ABCB11: variants seen among roughly 807,000 people sequenced by gnomAD.
ABCB11 encodes ATP binding cassette subfamily B member 11.
ABCB11 carries 95 observed loss-of-function variants against 148.0 expected under a neutral mutation model. The observed-to-expected ratio is 0.64, with a 90% CI of 0.54 to 0.76. The LOEUF (loss-of-function observed/expected upper bound fraction) is 0.76. ABCB11 is among the 30% of genes least tolerant of loss of function. The pLI, the probability that ABCB11 is intolerant of heterozygous loss-of-function variation, is 0.00. For missense variants in ABCB11, 1,523 were observed against 1,617.8 expected, an observed-to-expected ratio of 0.94 and a Z score of 1.01; for synonymous variants, 591 against 555.4, an observed-to-expected ratio of 1.06 and a Z score of -0.90.
chr2:168,983,265 G>A (rs1319657887), intron 10 of ABCB11, among the ~76,000 whole-genome samples: 1 of 152,114 alleles, frequency 6.6e-6, no homozygotes, highest in African/African-American at 2.4e-5. Flanking sequence ...TTCTTGCATA[G>A]CAAGTATGTA....
At chr2:168,987,105 G>C (rs1189568761) in intron 9 of ABCB11, among the ~76,000 whole-genome samples, 3 of 152,024 alleles carry the variant, frequency 2.0e-5, no homozygotes, top group Admixed American at 1.3e-4. Flanking sequence ...AAGAAATAAG[G>C]AACCTCACTC....
In ABCB11 at chr2:168,986,104, AG is replaced by A; in HGVS notation, c.1083+5del. 1 of 1,588,430 alleles carries A rather than the reference AG, an allele frequency of 6.3e-7. No homozygotes were observed. Among genetic ancestry groups the A allele is most frequent in the Non-Finnish European group, 8.6e-7 (1 of 1,166,466 alleles). On this transcript the variant is annotated splice_donor_5th_base_variant and intron_variant, in intron 10 of 27. Coordinates refer to ENST00000650372, the MANE Select transcript of ABCB11 (RefSeq NM_003742.4). ...TGCTATGTCTCGGTCAATAAGTCCA[AG>A]GTACCTGGACAAGGGTTCCTGGTGT...
At chr2:169,024,695 A>C (rs1695641531) in intron 1 of ABCB11, among the ~76,000 whole-genome samples, 1 of 152,094 alleles carries the variant, frequency 6.6e-6, no homozygotes, top group Non-Finnish European at 1.5e-5. Context: ...TAGGATACCA[A>C]GTTTATAATG....
chr2:168,969,656 G>T, intron 15 of ABCB11, 105 bp from the exon 16 acceptor site: 2 of 1,044,806 alleles, frequency 1.9e-6, no homozygotes, highest in East Asian at 5.2e-5. Context: ...CTTGGTCCCT[G>T]GGAATATTCT....
Position 168,922,359 on chromosome 2 carries a change from C to T in ABCB11, c.*1263G>A, listed in dbSNP as rs1354620194. ...CTCAGAGAGGGAGTATGCAGTTTCT[C>T]GCTGGAACTGGGGAAAGGCAGCCAT... On this transcript the variant is annotated 3_prime_UTR_variant, in exon 28 of 28. Coordinates refer to ENST00000650372, the MANE Select transcript of ABCB11 (RefSeq NM_003742.4). Among the ~76,000 whole-genome samples, 1 of 152,118 alleles carries T rather than the reference C, an allele frequency of 6.6e-6. No homozygotes were observed. The highest frequency in any genetic ancestry group is 1.9e-4 in the East Asian group (1 of 5,182).
At chr2:169,029,546 G>A (rs886449731) in intron 1 of ABCB11, among the ~76,000 whole-genome samples, 8 of 152,150 alleles carry the variant, frequency 5.3e-5, no homozygotes, top group East Asian at 1.9e-4. Flanking sequence ...AGCCCTGAGG[G>A]CTATGGCTGA....
downstream of ABCB11, among the ~76,000 whole-genome samples, chr2:168,916,220 T>C (rs1690938633): frequency 6.6e-6 from 1 of 152,252 alleles, no homozygotes; most frequent in Non-Finnish European, 1.5e-5. Flanking sequence ...ACTTGTTCTC[T>C]GTCACCCTTA....
chr2:168,925,123 C>T (rs748026300), intron 26 of ABCB11, among the ~76,000 whole-genome samples: 4 of 152,148 alleles, frequency 2.6e-5, no homozygotes, highest in Admixed American at 6.6e-5. Flanking sequence ...ATTTGAGACT[C>T]TCTGATTCTA....
At chr2:168,947,909 G>A (rs1310191007) in intron 19 of ABCB11, among the ~76,000 whole-genome samples, 2 of 151,546 alleles carry the variant, frequency 1.3e-5, no homozygotes, top group African/African-American at 4.8e-5. Flanking sequence ...CCAAGCAGGT[G>A]CTCAAGAAGG....
Position 168,993,113 on chromosome 2 carries a change from G to A in ABCB11, c.783+598C>T, listed in dbSNP as rs34497610. 9.2e-5 allele frequency among the ~76,000 whole-genome samples: 14 copies of A among 152,028 alleles called. 1 individual carries two copies. The highest frequency in any genetic ancestry group is 1.5e-4 in the Non-Finnish European group (10 of 67,980). On this transcript the variant is annotated intron_variant, in intron 8 of 27. Transcript: ENST00000650372. ...CTGGGATAACTCTTGGAATGGGTCAGATCACCTCTCTCTGAAAGAGGTTAT... is the reference window on the plus strand; with the variant it reads ...CTGGGATAACTCTTGGAATGGGTCAAATCACCTCTCTCTGAAAGAGGTTAT...
At chr2:168,969,130 AAGG>A (rs1693452432) in intron 16 of ABCB11, among the ~76,000 whole-genome samples, 3 of 148,198 alleles carry the variant, frequency 2.0e-5, no homozygotes, top group Admixed American at 6.7e-5. Flanking sequence ...AAAAAAAAAA[AAGG>A]GGGGGATGGA....
At chr2:168,927,077 G>A (rs989283177) in intron 26 of ABCB11, 79 bp downstream of exon 26, 12 of 1,356,972 alleles carry the variant, frequency 8.8e-6, no homozygotes, top group Non-Finnish European at 1.1e-5. Context: ...GATTAGGGAT[G>A]CTCAACCTGT....
At chr2:169,026,055 T>C (rs989542459) in intron 1 of ABCB11, among the ~76,000 whole-genome samples, 2 of 152,222 alleles carry the variant, frequency 1.3e-5, no homozygotes, top group Admixed American at 1.3e-4. Flanking sequence ...GTTTGGTATT[T>C]TGTGGGTTGC....
Position 168,923,107 on chromosome 2 carries a change from A to T in ABCB11, c.*515T>A, listed in dbSNP as rs1295431347. On this transcript the variant is annotated 3_prime_UTR_variant, in exon 28 of 28. Transcript: ENST00000650372. Reference sequence around the variant, plus strand: ...GGAAGCTGGTTTCACTTGAAAGACAAATTTAGTTAAGAAACACAGCTGGTC... The same window carrying T: ...GGAAGCTGGTTTCACTTGAAAGACATATTTAGTTAAGAAACACAGCTGGTC... The T allele has an allele frequency of 2.6e-5, 4 of 156,008 alleles. No individual in the cohort carries two copies. Among genetic ancestry groups the T allele is most frequent in the African/African-American group, 9.7e-5 (4 of 41,442 alleles). The allele number at this position is 156,008 out of a possible 1,614,324, so 9.7% of individuals were successfully genotyped here.
At chr2:168,927,995 T>C (rs1218970724) in intron 25 of ABCB11, among the ~76,000 whole-genome samples, 2 of 152,196 alleles carry the variant, frequency 1.3e-5, no homozygotes, top group Non-Finnish European at 2.9e-5. Flanking sequence ...GTCCAGGTAC[T>C]TGAATATCTA....
intron 1 of ABCB11, among the ~76,000 whole-genome samples, chr2:169,027,104 C>A (rs1695722766): frequency 6.6e-6 from 1 of 152,176 alleles, no homozygotes; most frequent in Admixed American, 6.5e-5. Flanking sequence ...TTGAAAATAA[C>A]ATCCAATGCT....
intron 21 of ABCB11, among the ~76,000 whole-genome samples, chr2:168,938,801 T>G (rs1196200476): frequency 1.3e-5 from 2 of 152,066 alleles, no homozygotes; most frequent in Non-Finnish European, 2.9e-5. Context: ...CGTTATTTTG[T>G]TTCCTTTTAC....
chr2:168,969,993 A>T, intron 15 of ABCB11, 52 bp downstream of exon 15: 3 of 1,276,128 alleles, frequency 2.4e-6, no homozygotes, highest in Non-Finnish European at 3.2e-6. Context: ...TTCCTGCAGC[A>T]GCACAAGCAT....
At chr2:168,959,136 T>C (rs1459270963) in intron 18 of ABCB11, among the ~76,000 whole-genome samples, 1 of 151,730 alleles carries the variant, frequency 6.6e-6, no homozygotes, top group African/African-American at 2.4e-5. Context: ...AAAGACCACA[T>C]TCATTTTAAA....
Sources: allele counts gnomAD v4.1 joint callset (sites outside exome capture counted in the v4.1 genomes callset), GRCh38; gene constraint gnomAD v4.1.1; transcripts MANE v1.5; gene names NCBI Gene and HGNC (gene_info 2026-07-23, HGNC 2026-07-21).